ZFHX3: variants seen among roughly 807,000 people sequenced by gnomAD.
The protein encoded by ZFHX3 is zinc finger homeobox 3.
A neutral mutation model predicts 279.1 loss-of-function variants in ZFHX3; 42 were observed. That is an observed-to-expected ratio of 0.15 (90% CI 0.12 to 0.19). ZFHX3 has a LOEUF of 0.19. Ranked by LOEUF, ZFHX3 falls within the 10% of genes least tolerant of loss-of-function variation. The pLI is 1.00. For synonymous variants in ZFHX3, 2,293 were observed against 1,957.8 expected (o/e 1.17, Z -4.52); for missense variants, 4,981 against 4,754.0 (o/e 1.05, Z -1.40).
At chr16:73,496,936 C>T (rs2019151704) in intron 2 of ZFHX3, among the ~76,000 whole-genome samples, 1 of 152,182 alleles carries the variant, frequency 6.6e-6, no homozygotes. Context: ...TGTGATTCCA[C>T]CTTCCAACAG....
chr16:73,596,303 G>A (rs1386855992), intron 2 of ZFHX3, among the ~76,000 whole-genome samples: 1 of 152,118 alleles, frequency 6.6e-6, no homozygotes, highest in East Asian at 1.9e-4. Flanking sequence ...GATTACAGGC[G>A]TGAGCCAACG....
At chr16:73,061,435 T>A (rs1260891079), upstream of ZFHX3, 1 of 151,672 alleles carries the variant, frequency 6.6e-6, no homozygotes, top group Non-Finnish European at 1.5e-5. Flanking sequence ...CAACCTCTAC[T>A]GTGATTAAAT....
At chr16:73,258,742 T>C (rs1262668599) in intron 4 of ZFHX3, among the ~76,000 whole-genome samples, 6 of 152,210 alleles carry the variant, frequency 3.9e-5, no homozygotes, top group African/African-American at 1.4e-4. Context: ...GCTAATATTT[T>C]CTCCCTTTGC....
chr16:73,667,335 C>T lies in ZFHX3; in HGVS notation c.-1547+12845G>A, dbSNP rs775135899. Among the ~76,000 whole-genome samples the T allele has an allele frequency of 2.4e-4, 36 of 152,286 alleles. 1 individual carries two copies. The highest frequency in any genetic ancestry group is 4.4e-4 in the Non-Finnish European group (30 of 68,030). On this transcript the variant is annotated intron_variant, in intron 2 of 17. Transcript: ENST00000641206. ...ATTCACTAGTTGAAGGACACCTGGA[C>T]GGTTTCCAGGTTTTGGCGATTATGA...
intron 3 of ZFHX3, among the ~76,000 whole-genome samples, chr16:73,431,240 A>AT (rs11309902): frequency 0.038 from 5,680 of 150,054 alleles, 307 homozygotes; most frequent in African/African-American, 0.12. Flanking sequence ...GTTTTTTTGT[A>AT]TTTTTTTTTT....
intron 3 of ZFHX3, among the ~76,000 whole-genome samples, chr16:73,408,072 G>A (rs2017398003): frequency 6.6e-6 from 1 of 151,818 alleles, no homozygotes; most frequent in African/African-American, 2.4e-5. Flanking sequence ...GGGGTGGGTG[G>A]GGGAAGAAGC....
chr16:72,981,307 G>T (rs1456594235), intron 1 of ZFHX3, among the ~76,000 whole-genome samples: 1 of 152,138 alleles, frequency 6.6e-6, no homozygotes, highest in Non-Finnish European at 1.5e-5. Flanking sequence ...TAGCTATCAC[G>T]ATCATTACTG....
At chr16:73,653,154 C>T (rs1311104942) in intron 2 of ZFHX3, among the ~76,000 whole-genome samples, 3 of 152,118 alleles carry the variant, frequency 2.0e-5, no homozygotes. Flanking sequence ...AAGATTTAAT[C>T]TACACTTGTC....
chr16:73,738,686 C>G (rs1220017816), intron 1 of ZFHX3, among the ~76,000 whole-genome samples: 1 of 152,116 alleles, frequency 6.6e-6, no homozygotes, highest in Non-Finnish European at 1.5e-5. Flanking sequence ...ATGTAGAACT[C>G]TCGTGAAGGT....
chr16:73,839,902 T>A (rs903322415), intron 1 of ZFHX3, among the ~76,000 whole-genome samples: 37 of 152,190 alleles, frequency 2.4e-4, no homozygotes, highest in African/African-American at 8.7e-4. Flanking sequence ...ACCAGGTTCT[T>A]CCTGCTGGTC....
intron 3 of ZFHX3, among the ~76,000 whole-genome samples, chr16:72,944,297 A>C (rs1468817131): frequency 6.6e-6 from 1 of 152,214 alleles, no homozygotes; most frequent in Non-Finnish European, 1.5e-5. Context: ...AAAACAAAAT[A>C]AAGCAAAATT....
intron 1 of ZFHX3, among the ~76,000 whole-genome samples, chr16:73,857,839 G>C (rs925945739): frequency 8.5e-5 from 13 of 152,298 alleles, no homozygotes; most frequent in Middle Eastern, 3.4e-3. Context: ...AGGCACGATG[G>C]CTCATGCCTA....
intron 1 of ZFHX3, among the ~76,000 whole-genome samples, chr16:72,972,447 A>G (rs1962147680): frequency 6.6e-6 from 1 of 152,110 alleles, no homozygotes; most frequent in African/African-American, 2.4e-5. Context: ...ATTTTCCTGT[A>G]TTCAAGTGAA....
chr16:73,011,872 G>A (rs1963931818), intron 1 of ZFHX3, among the ~76,000 whole-genome samples: 1 of 151,868 alleles, frequency 6.6e-6, no homozygotes, highest in African/African-American at 2.4e-5. Context: ...TTATCTTGGT[G>A]TTATTTGGGT....
At chr16:73,084,580 G>A (rs1379570915) in intron 8 of ZFHX3, among the ~76,000 whole-genome samples, 2 of 146,428 alleles carry the variant, frequency 1.4e-5, no homozygotes, top group African/African-American at 2.5e-5. Flanking sequence ...GAGTGCAGTG[G>A]CACGATCTCG....
chr16:73,353,919 G>A (rs571122784), intron 3 of ZFHX3, among the ~76,000 whole-genome samples: 57 of 152,112 alleles, frequency 3.7e-4, no homozygotes, highest in Non-Finnish European at 7.2e-4. Context: ...TACGCCATGC[G>A]CTGCATTGTA....
intron 4 of ZFHX3, among the ~76,000 whole-genome samples, chr16:72,835,219 A>G (rs907998256): frequency 3.3e-5 from 5 of 152,234 alleles, no homozygotes; most frequent in Non-Finnish European, 7.3e-5. Flanking sequence ...GCTGAGAAAC[A>G]TTAGCTGTCA....
At chr16:72,818,015 G>A (rs1028008239) in intron 5 of ZFHX3, among the ~76,000 whole-genome samples, 49 of 152,232 alleles carry the variant, frequency 3.2e-4, no homozygotes, top group African/African-American at 1.1e-3. Context: ...CTTACATTCC[G>A]TAAACCAGCT....
At chr16:73,517,550 A>G (rs183122931) in intron 2 of ZFHX3, among the ~76,000 whole-genome samples, 133 of 152,330 alleles carry the variant, frequency 8.7e-4, no homozygotes, top group African/African-American at 2.7e-3. Flanking sequence ...GAGAGCATCA[A>G]ATTTATTTGG....
Sources: gnomAD v4.1 joint callset for allele counts (sites outside exome capture counted in the v4.1 genomes callset) on GRCh38, gnomAD v4.1.1 for gene constraint, MANE v1.5 for transcripts, NCBI Gene and HGNC (gene_info 2026-07-23, HGNC 2026-07-21) for gene names.